The following ZFHX3 variants were observed in gnomAD, a reference collection of about 807,000 sequenced individuals.
The protein encoded by ZFHX3 is zinc finger homeobox 3.
In ZFHX3, 42 loss-of-function variants were observed where a neutral mutation model predicts 279.1. That is an observed-to-expected ratio of 0.15 (90% CI 0.12 to 0.19). The LOEUF is 0.19. Among genes scored for constraint, ZFHX3 ranks in the 10% least tolerant of loss-of-function variants. The pLI, the probability that ZFHX3 is intolerant of heterozygous loss-of-function variation, is 1.00. For missense variants in ZFHX3, 4,981 were observed against 4,754.0 expected (o/e 1.05, Z -1.40); for synonymous variants, 2,293 against 1,957.8 (o/e 1.17, Z -4.52).
At position 73,058,300 on chromosome 16, in the gene ZFHX3, T is replaced by C. The variant is rs1965610793; in HGVS notation, c.-24+230A>G. 4.6e-5 allele frequency among the ~76,000 whole-genome samples: 6 copies of C among 131,510 alleles called. No homozygotes were observed. In the South Asian group the frequency reaches 1.5e-3, roughly 32 times the overall value. 86.3% of individuals were successfully genotyped at this position (131,510 alleles called of 152,430 possible). On this transcript the variant is annotated intron_variant, in intron 1 of 8. Transcript: ENST00000397992. ...GGAAGAAGAAGAGAAAGAGAAAGTT[T>C]GGCGTAGGGGGAAGGCGAGCGGGAC...
At chr16:72,818,610 T>C (rs1342360375) in intron 5 of ZFHX3, among the ~76,000 whole-genome samples, 2 of 152,290 alleles carry the variant, frequency 1.3e-5, no homozygotes, top group South Asian at 2.1e-4. Flanking sequence ...GGAAGGGGAT[T>C]TGTGTGAAGC....
intron 3 of ZFHX3, among the ~76,000 whole-genome samples, chr16:72,930,061 T>A: frequency 6.6e-6 from 1 of 152,020 alleles, no homozygotes; most frequent in East Asian, 1.9e-4. Flanking sequence ...CCACTGAAAT[T>A]ACAAAAATTA....
chr16:73,804,859 A>C lies in ZFHX3; in HGVS notation c.-1608+86792T>G, dbSNP rs113391542. Among the ~76,000 whole-genome samples the C allele has an allele frequency of 3.4e-3, 482 of 142,540 alleles. 6 individuals carry two copies. The highest frequency in any genetic ancestry group is 0.012 in the African/African-American group (456 of 36,994). The allele number at this position is 142,540 out of a possible 152,430, so 93.5% of individuals were successfully genotyped here. The stretch of plus-strand genomic sequence containing the variant: ...AAAACACTATACACATACTACATAC[A>C]CACTTAACACACCACACACACACAC... On this transcript the variant is annotated intron_variant, in intron 1 of 17. Transcript: ENST00000641206.
At chr16:73,572,682 C>T (rs915104848) in intron 2 of ZFHX3, among the ~76,000 whole-genome samples, 7 of 152,162 alleles carry the variant, frequency 4.6e-5, no homozygotes, top group Non-Finnish European at 7.3e-5. Flanking sequence ...GCTCGCACCA[C>T]GGGATTCGAT....
chr16:73,767,202 G>A (rs1282989931), intron 1 of ZFHX3, among the ~76,000 whole-genome samples: 1 of 152,126 alleles, frequency 6.6e-6, no homozygotes, highest in Non-Finnish European at 1.5e-5. Context: ...CTCCCAAAGT[G>A]CTGGGATCGC....
chr16:73,455,862 C>T (rs747728231), intron 3 of ZFHX3: 3 of 151,568 alleles, frequency 2.0e-5, no homozygotes, highest in East Asian at 3.9e-4. Flanking sequence ...GGTTGGTACG[C>T]GCTCCCAGCA....
At chr16:73,822,361 G>A (rs1960771542) in intron 1 of ZFHX3, among the ~76,000 whole-genome samples, 1 of 152,132 alleles carries the variant, frequency 6.6e-6, no homozygotes, top group African/African-American at 2.4e-5. Flanking sequence ...AGAAGCCTAA[G>A]TTTCAAAGAA....
chr16:73,152,040 G>T (rs576175985), intron 5 of ZFHX3, among the ~76,000 whole-genome samples: 1 of 150,940 alleles, frequency 6.6e-6, no homozygotes, highest in African/African-American at 2.4e-5. Context: ...GAGGAGACAC[G>T]CAAGCTTCCA....
At chr16:73,254,208 T>C (rs2013596971) in intron 5 of ZFHX3, among the ~76,000 whole-genome samples, 2 of 152,142 alleles carry the variant, frequency 1.3e-5, no homozygotes, top group African/African-American at 2.4e-5. Context: ...TTCTCTGAAT[T>C]ACATACACAT....
intron 1 of ZFHX3, among the ~76,000 whole-genome samples, chr16:73,684,719 G>C (rs2053061510): frequency 8.3e-6 from 1 of 119,848 alleles, no homozygotes; most frequent in African/African-American, 3.4e-5. Context: ...TTTTTTTTTG[G>C]AGATGGAGTC....
chr16:73,119,840 G>C (rs1298970486), intron 7 of ZFHX3, among the ~76,000 whole-genome samples: 1 of 151,880 alleles, frequency 6.6e-6, no homozygotes, highest in East Asian at 1.9e-4. Flanking sequence ...CACCTTGCAT[G>C]GTTTATACTT....
chr16:73,676,150 A>T (rs1045922827), intron 2 of ZFHX3, among the ~76,000 whole-genome samples: 5 of 152,108 alleles, frequency 3.3e-5, no homozygotes, highest in Non-Finnish European at 7.4e-5. Context: ...CATAACAATA[A>T]CTAATTATAG....
intron 2 of ZFHX3, chr16:73,610,102 T>A (rs1414069733): frequency 6.6e-6 from 1 of 152,084 alleles, no homozygotes; most frequent in Non-Finnish European, 1.5e-5. Flanking sequence ...CCCACTGCAT[T>A]AGAGAAAACA....
At chr16:73,814,845 G>A (rs1357525731) in intron 1 of ZFHX3, among the ~76,000 whole-genome samples, 1 of 152,138 alleles carries the variant, frequency 6.6e-6, no homozygotes, top group Admixed American at 6.5e-5. Context: ...TGGGATTACA[G>A]GAGTGAGCCT....
In ZFHX3 at chr16:73,106,511, A is replaced by G. The variant is rs146802395; in HGVS notation, c.-896-12913T>C. On this transcript the variant is annotated intron_variant, in intron 7 of 17. Coordinates refer to the ZFHX3 transcript ENST00000641206. ...AAGCAGTCAGATGGCTTCATGTTCT[A>G]TCTGATATCATCCCTTTATTGTGCC... 2.2e-3 allele frequency among the ~76,000 whole-genome samples: 342 copies of G among 152,260 alleles called. 2 individuals are homozygous for G. Among genetic ancestry groups the G allele is most frequent in the African/African-American group, 7.6e-3 (314 of 41,546 alleles).
At chr16:72,837,723 C>T (rs902633349) in intron 4 of ZFHX3, among the ~76,000 whole-genome samples, 1 of 151,754 alleles carries the variant, frequency 6.6e-6, no homozygotes, top group Admixed American at 6.6e-5. Context: ...TCCTTGACCT[C>T]CTGAGTAGCA....
At chr16:73,403,102 G>A (rs1013878246) in intron 3 of ZFHX3, among the ~76,000 whole-genome samples, 1 of 152,134 alleles carries the variant, frequency 6.6e-6, no homozygotes, top group Non-Finnish European at 1.5e-5. Flanking sequence ...GTGGGCGCAC[G>A]GTCCACCTGG....
At chr16:73,559,777 T>C (rs535465934) in intron 2 of ZFHX3, among the ~76,000 whole-genome samples, 1 of 152,108 alleles carries the variant, frequency 6.6e-6, no homozygotes, top group Non-Finnish European at 1.5e-5. Context: ...CACCGTCCCC[T>C]CCCTGGTAAG....
At chr16:73,105,484 G>C (rs1251314985) in intron 7 of ZFHX3, among the ~76,000 whole-genome samples, 1 of 136,096 alleles carries the variant, frequency 7.3e-6, no homozygotes, top group Non-Finnish European at 1.6e-5. Flanking sequence ...AGGCGTGCTG[G>C]CTCACACCTG....
Sources: gnomAD v4.1 joint callset for allele counts (sites outside exome capture counted in the v4.1 genomes callset) on GRCh38, gnomAD v4.1.1 for gene constraint, MANE v1.5 for transcripts, NCBI Gene and HGNC (gene_info 2026-07-23, HGNC 2026-07-21) for gene names.